GRM5: variants seen among roughly 807,000 people sequenced by gnomAD.
GRM5 encodes glutamate metabotropic receptor 5, also known as metabotropic glutamate receptor 5.
GRM5 carries 19 observed loss-of-function variants against 83.1 expected under a neutral mutation model. The observed-to-expected ratio is 0.23, with a 90% CI of 0.16 to 0.34. The LOEUF (loss-of-function observed/expected upper bound fraction) is 0.34, where lower values mean the gene tolerates loss of function less well. Among genes scored for constraint, GRM5 ranks in the 10% least tolerant of loss-of-function variants. The pLI, the probability that GRM5 is intolerant of heterozygous loss-of-function variation, is 1.00. For synonymous variants in GRM5, 675 were observed against 633.6 expected, an observed-to-expected ratio of 1.07 and a Z score of -0.98; for missense variants, 1,160 against 1,588.3, an observed-to-expected ratio of 0.73 and a Z score of 4.58.
chr11:88,529,834 T>C (rs1309672345), intron 8 of GRM5, among the ~76,000 whole-genome samples: 1 of 151,916 alleles, frequency 6.6e-6, no homozygotes, highest in African/African-American at 2.4e-5. Flanking sequence ...GGAAGAAGTA[T>C]AGAATGATAC....
At chr11:89,009,918 A>AAAAAAAAAAC (rs1940645901) in intron 2 of GRM5, among the ~76,000 whole-genome samples, 2 of 136,184 alleles carry the variant, frequency 1.5e-5, no homozygotes, top group African/African-American at 6.4e-5. Context: ...AAAAAAAAAA[A>AAAAAAAAAAC]AAAAAAAAAA....
At chr11:89,003,972 A>G (rs565918972) in intron 2 of GRM5, among the ~76,000 whole-genome samples, 2 of 152,296 alleles carry the variant, frequency 1.3e-5, no homozygotes, top group African/African-American at 4.8e-5. Flanking sequence ...CTGAACTGGA[A>G]ATATAAGCTG....
intron 4 of GRM5, among the ~76,000 whole-genome samples, chr11:88,632,126 G>A (rs371921610): frequency 2.0e-5 from 3 of 151,436 alleles, no homozygotes; most frequent in Non-Finnish European, 4.4e-5. Context: ...CGTTCCTCCC[G>A]CACCTTTGTA....
chr11:88,928,915 C>T (rs199686823), intron 2 of GRM5, among the ~76,000 whole-genome samples: 42 of 100,774 alleles, frequency 4.2e-4, no homozygotes, highest in South Asian at 2.5e-3. Context: ...TATACACACA[C>T]ACACACACAC....
chr11:88,564,728 G>A (rs1486257487), intron 8 of GRM5, among the ~76,000 whole-genome samples: 1 of 152,188 alleles, frequency 6.6e-6, no homozygotes, highest in African/African-American at 2.4e-5. Context: ...CAAGGTACAG[G>A]TAGGTATTGG....
At chr11:88,659,454 T>G (rs1939848332) in intron 3 of GRM5, among the ~76,000 whole-genome samples, 1 of 152,158 alleles carries the variant, frequency 6.6e-6, no homozygotes, top group Admixed American at 6.6e-5. Context: ...GTTGTATTAT[T>G]GTATGTATGT....
At chr11:88,720,036 T>TGTC (rs1294640442) in intron 3 of GRM5, among the ~76,000 whole-genome samples, 1 of 152,092 alleles carries the variant, frequency 6.6e-6, no homozygotes. Flanking sequence ...CTGTTAATAG[T>TGTC]GTCTTTTGTT....
chr11:88,824,456 C>T (rs978623788), intron 3 of GRM5, among the ~76,000 whole-genome samples: 1 of 152,146 alleles, frequency 6.6e-6, no homozygotes, highest in African/African-American at 2.4e-5. Flanking sequence ...CAGTAGCCTC[C>T]AACTTTACTG....
chr11:89,052,624 A>C (rs1254823467), intron 1 of GRM5, among the ~76,000 whole-genome samples: 1 of 152,170 alleles, frequency 6.6e-6, no homozygotes, highest in East Asian at 1.9e-4. Flanking sequence ...TAACAACTCT[A>C]AAATGTAGGT....
intron 8 of GRM5, among the ~76,000 whole-genome samples, chr11:88,564,906 G>A (rs1001929983): frequency 6.6e-6 from 1 of 151,066 alleles, no homozygotes; most frequent in Admixed American, 6.5e-5. Context: ...ATAGGTTTGT[G>A]CTGCCGTTTA....
rs561409984 is a variant in GRM5, at chr11:88,933,016, A to T, written c.662-82861T>A. On this transcript the variant is annotated intron_variant, in intron 2 of 9. Coordinates refer to ENST00000305447, the MANE Select transcript of GRM5 (RefSeq NM_001143831.3). ...TTTTATTTGGAAAACACACTATCTG[A>T]GATTCTTTTAAATCATCTCAGAGAC... is the stretch of plus-strand genomic sequence containing the variant. Among the ~76,000 whole-genome samples the T allele has an allele frequency of 5.9e-5, 9 of 151,994 alleles. No individual in the cohort carries two copies. The South Asian group carries it at 1.9e-3, about 31-fold the overall frequency.
chr11:88,733,753 G>T (rs895439752), intron 3 of GRM5, among the ~76,000 whole-genome samples: 1 of 151,976 alleles, frequency 6.6e-6, no homozygotes, highest in East Asian at 1.9e-4. Flanking sequence ...TAAACTTCTC[G>T]AGAACGTGTA....
chr11:88,924,598 A>G (rs1391471991), intron 2 of GRM5, among the ~76,000 whole-genome samples: 1 of 152,068 alleles, frequency 6.6e-6, no homozygotes, highest in Non-Finnish European at 1.5e-5. Context: ...GATTGTAAGA[A>G]ATAGTCAAAT....
At chr11:88,983,259 A>C (rs2135027412) in intron 2 of GRM5, among the ~76,000 whole-genome samples, 1 of 152,314 alleles carries the variant, frequency 6.6e-6, no homozygotes, top group Non-Finnish European at 1.5e-5. Flanking sequence ...CAATTCTCTT[A>C]CTACTTTACA....
chr11:88,932,985 A>G lies in GRM5; in HGVS notation c.662-82830T>C, dbSNP rs192492204. Among the ~76,000 whole-genome samples, 667 of 152,056 alleles carry G rather than the reference A, an allele frequency of 4.4e-3. 3 individuals are homozygous for G. The highest frequency in any genetic ancestry group is 0.025 in the South Asian group (119 of 4,828). ...AAATCATGTGTATGACCTTTTAAAA[A>G]ATCAATTTTATTTGGAAAACACACT... On this transcript the variant is annotated intron_variant, in intron 2 of 9. Transcript: ENST00000305447.
chr11:88,658,619 T>C (rs749737745), intron 3 of GRM5, among the ~76,000 whole-genome samples: 1 of 152,200 alleles, frequency 6.6e-6, no homozygotes, highest in African/African-American at 2.4e-5. Flanking sequence ...GGGCATGTCC[T>C]AAATGCAGTG....
chr11:88,641,217 C>G (rs1030345968), intron 4 of GRM5, among the ~76,000 whole-genome samples: 1 of 151,944 alleles, frequency 6.6e-6, no homozygotes, highest in Non-Finnish European at 1.5e-5. Flanking sequence ...TTTACAATAG[C>G]TAGATCCTGT....
intron 8 of GRM5, among the ~76,000 whole-genome samples, chr11:88,539,024 A>T (rs924217602): frequency 6.6e-6 from 1 of 152,174 alleles, no homozygotes; most frequent in South Asian, 2.1e-4. Flanking sequence ...GACACTGCCT[A>T]TGCTTTTACT....
intron 4 of GRM5, among the ~76,000 whole-genome samples, chr11:88,622,616 C>G (rs1337296662): frequency 6.6e-6 from 1 of 152,138 alleles, no homozygotes; most frequent in Non-Finnish European, 1.5e-5. Flanking sequence ...GTGGGGGCGG[C>G]AGACACCTGC....
Sources: gnomAD v4.1 joint callset for allele counts (sites outside exome capture counted in the v4.1 genomes callset) on GRCh38, gnomAD v4.1.1 for gene constraint, MANE v1.5 for transcripts, NCBI Gene and HGNC (gene_info 2026-07-23, HGNC 2026-07-21) for gene names.